Variants in MXI1 observed in about 807,000 individuals in gnomAD.
MXI1 encodes the protein MAX interactor 1, dimerization protein.
Under a neutral mutation model 36.9 loss-of-function variants are expected in MXI1, and 18 were observed. The observed-to-expected ratio is 0.49, with a 90% CI of 0.34 to 0.72. The LOEUF is 0.72. MXI1 is among the 30% of genes least tolerant of loss of function. The pLI, the probability that MXI1 is intolerant of heterozygous loss-of-function variation, is 0.01. For missense variants in MXI1, 304 were observed against 379.1 expected, an observed-to-expected ratio of 0.80 and a Z score of 1.64; for synonymous variants, 160 against 146.7, an observed-to-expected ratio of 1.09 and a Z score of -0.65.
chr10:110,230,798 A>G (rs1159841323), intron 2 of MXI1, among the ~76,000 whole-genome samples: 1 of 152,258 alleles, frequency 6.6e-6, no homozygotes, highest in Non-Finnish European at 1.5e-5. Context: ...CTGGTTACAT[A>G]AAGCAGAAAG....
At chr10:110,216,665 GTTT>G (rs10656872) in intron 1 of MXI1, among the ~76,000 whole-genome samples, 12 of 79,060 alleles carry the variant, frequency 1.5e-4, no homozygotes, top group South Asian at 1.0e-3. Flanking sequence ...TGTGTTTAAT[GTTT>G]TTTTTTTTTT....
At chr10:110,208,119 GTTCT>G (rs781690457) in intron 1 of MXI1, 37 bp downstream of exon 1, 24 of 1,556,542 alleles carry the variant, frequency 1.5e-5, no homozygotes, top group Middle Eastern at 2.2e-4. Flanking sequence ...TCGGCGCCCG[GTTCT>G]TTCTTTCTCG....
Position 110,286,248 on chromosome 10 carries a change from T to A in MXI1, c.*1261T>A, listed in dbSNP as rs1436732819. On this transcript the variant is annotated 3_prime_UTR_variant, in exon 6 of 6. Coordinates refer to ENST00000332674, the MANE Select transcript of MXI1 (RefSeq NM_130439.3). ...TGCTTCCATTTTCCTACAGGCAGTC[T>A]CTCTCTTCCTCACAGTCCCACTGTG... 1 of 152,654 alleles carries A rather than the reference T, an allele frequency of 6.6e-6. No individual in the cohort carries two copies. Among genetic ancestry groups the A allele is most frequent in the Non-Finnish European group, 1.5e-5 (1 of 68,030 alleles). 9.5% of individuals were successfully genotyped at this position (152,654 alleles called of 1,614,324 possible).
intron 1 of MXI1, among the ~76,000 whole-genome samples, chr10:110,221,613 T>C (rs1854808397): frequency 3.3e-5 from 5 of 152,314 alleles, no homozygotes; most frequent in African/African-American, 9.6e-5. Flanking sequence ...ATCACTGAAA[T>C]AGGCTGCTGT....
intron 1 of MXI1, among the ~76,000 whole-genome samples, chr10:110,220,209 A>G (rs1253891291): frequency 6.6e-6 from 1 of 152,234 alleles, no homozygotes; most frequent in African/African-American, 2.4e-5. Context: ...TCTGGGCCTT[A>G]TTTGTAAAAT....
At chr10:110,242,022 C>T (rs941333223) in intron 2 of MXI1, among the ~76,000 whole-genome samples, 3 of 151,900 alleles carry the variant, frequency 2.0e-5, no homozygotes, top group Non-Finnish European at 2.9e-5. Flanking sequence ...CACCATGGGT[C>T]TTTATGATCT....
At chr10:110,265,777 G>A (rs1184442759) in intron 3 of MXI1, among the ~76,000 whole-genome samples, 1 of 152,128 alleles carries the variant, frequency 6.6e-6, no homozygotes, top group East Asian at 1.9e-4. Context: ...GGGTTATCAC[G>A]GGCTGAGGCT....
intron 1 of MXI1, among the ~76,000 whole-genome samples, chr10:110,218,407 A>G (rs1210680094): frequency 3.3e-5 from 5 of 151,546 alleles, no homozygotes; most frequent in Non-Finnish European, 7.4e-5. Context: ...CCGAGATCAC[A>G]CCACTGCACT....
chr10:110,269,039 A>T (rs1856775586), intron 3 of MXI1, among the ~76,000 whole-genome samples: 1 of 152,200 alleles, frequency 6.6e-6, no homozygotes, highest in Admixed American at 6.5e-5. Context: ...ACCAAAAAAC[A>T]AACTGCATTT....
At chr10:110,255,425 C>A (rs1590378396) in intron 3 of MXI1, among the ~76,000 whole-genome samples, 1 of 152,312 alleles carries the variant, frequency 6.6e-6, no homozygotes, top group Middle Eastern at 3.4e-3. Context: ...ATCCATTCTG[C>A]AGCCCATTGG....
intron 3 of MXI1, among the ~76,000 whole-genome samples, chr10:110,274,098 A>C (rs926045679): frequency 6.6e-6 from 1 of 152,156 alleles, no homozygotes; most frequent in Non-Finnish European, 1.5e-5. Context: ...ATTTCCCTTC[A>C]TGTTCTGTGG....
chr10:110,253,502 T>C (rs1856174917), intron 3 of MXI1, among the ~76,000 whole-genome samples: 1 of 152,124 alleles, frequency 6.6e-6, no homozygotes, highest in African/African-American at 2.4e-5. Flanking sequence ...AAAAAGGGCA[T>C]AGTTTTTTTA....
rs1380319036 is a variant in MXI1 at position 110,284,848 on chromosome 10, G to A, written c.749G>A (p.Ser250Asn). ...EREEIEVDVE[S>N]TEFSHGEVDN... Reference sequence around the variant, plus strand: ...GAGGAGATTGAAGTGGATGTTGAAAGCACAGAGTTCTCCCATGGAGAAGTG... The same window carrying A: ...GAGGAGATTGAAGTGGATGTTGAAAACACAGAGTTCTCCCATGGAGAAGTG... Residue 250 changes from serine (S) to asparagine (N), a missense_variant, in exon 6 of 6, where the codon AGC becomes AAC. By Grantham distance (46) the Ser-to-Asn change is conservative. Coordinates refer to ENST00000332674, the MANE Select transcript of MXI1 (RefSeq NM_130439.3). 6.2e-7 allele frequency: 1 copy of A among 1,607,922 alleles called. No individual in the cohort carries two copies. Among genetic ancestry groups the A allele is most frequent in the South Asian group, 1.1e-5 (1 of 89,884 alleles).
At chr10:110,238,484 G>A (rs1408813492) in intron 2 of MXI1, among the ~76,000 whole-genome samples, 2 of 152,196 alleles carry the variant, frequency 1.3e-5, no homozygotes, top group African/African-American at 4.8e-5. Flanking sequence ...TTTTGTGTCT[G>A]TGTTCATGAG....
chr10:110,279,833 G>T, intron 4 of MXI1, 81 bp from the exon 5 acceptor site: 1 of 1,096,824 alleles, frequency 9.1e-7, no homozygotes, highest in Non-Finnish European at 1.2e-6. Flanking sequence ...ATTCATTCAT[G>T]TTTTCTCTGC....
intron 3 of MXI1, chr10:110,257,502 G>T (rs1323972329): frequency 6.6e-6 from 1 of 152,060 alleles, no homozygotes; most frequent in Non-Finnish European, 1.5e-5. Context: ...GTAGAGATGG[G>T]GTTTTGCCAT....
intron 2 of MXI1, among the ~76,000 whole-genome samples, chr10:110,233,657 T>C (rs1327114792): frequency 2.6e-5 from 4 of 152,182 alleles, no homozygotes. Context: ...TTAAGTATTT[T>C]CTGCATTTTG....
At chr10:110,239,602 CT>C (rs1270986959) in intron 2 of MXI1, among the ~76,000 whole-genome samples, 1 of 151,986 alleles carries the variant, frequency 6.6e-6, no homozygotes, top group Non-Finnish European at 1.5e-5. Flanking sequence ...AGAACTTACT[CT>C]GTATGATTTC....
intron 3 of MXI1, among the ~76,000 whole-genome samples, chr10:110,266,537 G>A (rs1488852588): frequency 6.6e-6 from 1 of 152,002 alleles, no homozygotes; most frequent in African/African-American, 2.4e-5. Flanking sequence ...GCCTCAACTG[G>A]GACAGATCAA....
Sources: allele counts gnomAD v4.1 joint callset (sites outside exome capture counted in the v4.1 genomes callset), GRCh38; gene constraint gnomAD v4.1.1; transcripts MANE v1.5; gene names NCBI Gene and HGNC (gene_info 2026-07-23, HGNC 2026-07-21).